MIGA1: variants seen among roughly 807,000 people sequenced by gnomAD.
MIGA1 encodes mitoguardin 1, also known as family with sequence similarity 73, member A.
Under a neutral mutation model 82.0 loss-of-function variants are expected in MIGA1, and 58 were observed. The ratio of observed to expected loss-of-function variants is 0.71; its 90% confidence interval spans 0.57 to 0.88. The LOEUF (loss-of-function observed/expected upper bound fraction) is 0.88, where lower values mean the gene tolerates loss of function less well. Among genes scored for constraint, MIGA1 ranks in the 40% least tolerant of loss-of-function variants. The pLI is 0.00. For missense variants in MIGA1, 751 were observed against 749.1 expected, an observed-to-expected ratio of 1.00 and a Z score of -0.03; for synonymous variants, 249 against 253.6, an observed-to-expected ratio of 0.98 and a Z score of 0.17.
intron 2 of MIGA1, among the ~76,000 whole-genome samples, chr1:77,800,599 C>G (rs1682838182): frequency 6.6e-6 from 1 of 152,190 alleles, no homozygotes; most frequent in African/African-American, 2.4e-5. Context: ...AAGTTAATCG[C>G]TTCTTGCTCT....
At chr1:77,786,301 G>A (rs1036892612) in intron 2 of MIGA1, among the ~76,000 whole-genome samples, 11 of 152,224 alleles carry the variant, frequency 7.2e-5, no homozygotes, top group Non-Finnish European at 1.3e-4. Context: ...GCTGGTGATG[G>A]GAGGGGCTGC....
chr1:77,843,463 A>T lies in MIGA1; in HGVS notation c.996+56A>T, dbSNP rs1684703416. 9 of 1,327,726 alleles carry T rather than the reference A, an allele frequency of 6.8e-6. No homozygotes were observed. In the East Asian group the frequency reaches 2.1e-4, roughly 31 times the overall value. 82.2% of individuals were successfully genotyped at this position (1,327,726 alleles called of 1,614,324 possible). A position where few individuals can be genotyped will look rare whatever the true frequency, so the allele number is the denominator to read the frequency against. On this transcript the variant is annotated intron_variant, in intron 8 of 15. Transcript: ENST00000370791. ...CTGTTTCTTTTTTGGTGGAAACAACAGTCTTGTCATTATACTGTAATTCAG... is the reference window on the plus strand; with the variant it reads ...CTGTTTCTTTTTTGGTGGAAACAACTGTCTTGTCATTATACTGTAATTCAG...
At chr1:77,807,321 C>T (rs919512972) in intron 5 of MIGA1, among the ~76,000 whole-genome samples, 2 of 152,076 alleles carry the variant, frequency 1.3e-5, no homozygotes, top group South Asian at 2.1e-4. Flanking sequence ...ACCACCATGC[C>T]CAGCTAATTT....
At chr1:77,786,657 G>A (rs1169220227) in intron 2 of MIGA1, among the ~76,000 whole-genome samples, 2 of 152,194 alleles carry the variant, frequency 1.3e-5, no homozygotes, top group Non-Finnish European at 2.9e-5. Flanking sequence ...AATATAGTAA[G>A]AGTCACCTTT....
chr1:77,858,945 A>G lies in MIGA1; in HGVS notation c.1004A>G (p.Glu335Gly). 1 of 1,606,570 alleles carries G rather than the reference A, an allele frequency of 6.2e-7. No homozygotes were observed. The highest frequency in any genetic ancestry group is 1.7e-5 in the Admixed American group (1 of 59,978). ...AACCCACCGTGCTCTTAGCTTGCAG[A>G]ACACAGAGAAGTACGGCATACCTAC... is the stretch of plus-strand genomic sequence containing the variant. The change falls in exon 9 of 16, where the codon GAA becomes GGA. Residue 335 changes from glutamate to glycine, a missense_variant. Physicochemically the swap from Glu to Gly is moderately conservative, Grantham distance 98 (BLOSUM62 -2). This residue lies in a region of MIGA1 where 482 missense variants were observed against 439.4 expected (regional missense o/e 1.10). Transcript: ENST00000370791.
chr1:77,850,228 C>A (rs1570994820), intron 8 of MIGA1, among the ~76,000 whole-genome samples: 1 of 152,090 alleles, frequency 6.6e-6, no homozygotes, highest in East Asian at 1.9e-4. Flanking sequence ...GAGGGAGTGA[C>A]CCAAGAGAGG....
chr1:77,820,844 G>A (rs1683778368), intron 7 of MIGA1, among the ~76,000 whole-genome samples: 1 of 152,064 alleles, frequency 6.6e-6, no homozygotes, highest in Non-Finnish European at 1.5e-5. Context: ...TATAAATTCT[G>A]GACATTAGGC....
rs566827200 is a variant in MIGA1 at position 77,875,235 on chromosome 1, A to G, written c.*171A>G. 32 of 593,102 alleles carry G rather than the reference A, an allele frequency of 5.4e-5. 2 individuals are homozygous for G. In the South Asian group the frequency reaches 7.0e-4, roughly 13 times the overall value. The allele number at this position is 593,102 out of a possible 1,614,324, so 36.7% of individuals were successfully genotyped here. A position where few individuals can be genotyped will look rare whatever the true frequency, so the allele number is the denominator to read the frequency against. Reference sequence around the variant, plus strand: ...ACTGTATTTATACAGAAGTTCTGTCATTGAATTCCTGTGTAGTGTAGTCAT... The same window carrying G: ...ACTGTATTTATACAGAAGTTCTGTCGTTGAATTCCTGTGTAGTGTAGTCAT... On this transcript the variant is annotated 3_prime_UTR_variant, in exon 16 of 16. Coordinates refer to ENST00000370791, the MANE Select transcript of MIGA1 (RefSeq NM_198549.4).
chr1:77,830,908 A>C (rs1000907212), intron 7 of MIGA1, among the ~76,000 whole-genome samples: 1 of 152,202 alleles, frequency 6.6e-6, no homozygotes, highest in South Asian at 2.1e-4. Flanking sequence ...AATAAGGGCT[A>C]ATGTGCCTAT....
rs972969113 is a variant in MIGA1 at position 77,805,036 on chromosome 1, C to A, written c.510+1630C>A. Among the ~76,000 whole-genome samples, 6 of 150,318 alleles carry A rather than the reference C, an allele frequency of 4.0e-5. No homozygotes were observed. The East Asian group carries it at 1.2e-3, about 29-fold the overall frequency. On this transcript the variant is annotated intron_variant, in intron 4 of 15. Transcript: ENST00000370791. Reference sequence around the variant, plus strand: ...TTGAGACGGAGTCTCACTCTGTCGCCCAGGCTGGAGTGCAGTGGCACAATC... The same window carrying A: ...TTGAGACGGAGTCTCACTCTGTCGCACAGGCTGGAGTGCAGTGGCACAATC...
chr1:77,814,979 T>C (rs1427992139), intron 6 of MIGA1, 129 bp from the exon 7 acceptor site: 5 of 604,104 alleles, frequency 8.3e-6, no homozygotes, highest in Non-Finnish European at 1.3e-5. Context: ...TGCTGTACTC[T>C]TTCCACCATC....
intron 14 of MIGA1, among the ~76,000 whole-genome samples, chr1:77,867,989 C>CA (rs1685740161): frequency 6.6e-6 from 1 of 152,164 alleles, no homozygotes; most frequent in Admixed American, 6.5e-5. Flanking sequence ...GTTTGATTCT[C>CA]ACACTAGCTA....
intron 8 of MIGA1, among the ~76,000 whole-genome samples, chr1:77,844,393 A>G (rs533797196): frequency 2.0e-5 from 3 of 152,032 alleles, no homozygotes; most frequent in African/African-American, 4.8e-5. Context: ...TTTTGTAAAA[A>G]GGAAACAAAC....
At position 77,803,320 on chromosome 1, in the gene MIGA1, A is replaced by G. The variant is rs747162053; in HGVS notation, c.424A>G (p.Thr142Ala). 6.4e-6 allele frequency: 10 copies of G among 1,562,076 alleles called. No homozygotes were observed. In the Admixed American group the frequency reaches 1.5e-4, roughly 23 times the overall value. ...GAATTTGACATTATCTTTAAGTTCT[A>G]CCAAAGACAAAGGATCTCAAGTTTG... The change falls in exon 4 of 16, where the codon ACC (threonine) becomes GCC (alanine). Residue 142 changes from threonine (T) to alanine (A), a missense_variant. By Grantham distance (58) the Thr-to-Ala change is moderately conservative. This residue lies in a region of MIGA1 where 482 missense variants were observed against 439.4 expected (regional missense o/e 1.10). Coordinates refer to ENST00000370791, the MANE Select transcript of MIGA1 (RefSeq NM_198549.4).
intron 7 of MIGA1, among the ~76,000 whole-genome samples, chr1:77,824,045 A>G (rs1158993450): frequency 6.6e-6 from 1 of 152,218 alleles, no homozygotes; most frequent in Non-Finnish European, 1.5e-5. Flanking sequence ...ATTGCCATCC[A>G]AGAAGCCATT....
chr1:77,847,356 G>GA (rs1213210825), intron 8 of MIGA1: 12 of 995,390 alleles, frequency 1.2e-5, no homozygotes, highest in Admixed American at 1.7e-5. Flanking sequence ...TGAAATGCAG[G>GA]AAAAAAAGGA....
chr1:77,868,315 C>A, intron 14 of MIGA1: 1 of 152,376 alleles, frequency 6.6e-6, no homozygotes. Context: ...CAACCTCTGC[C>A]TCCCAGGTTC....
intron 7 of MIGA1, among the ~76,000 whole-genome samples, chr1:77,817,204 T>C (rs1683604372): frequency 6.6e-6 from 1 of 152,244 alleles, no homozygotes; most frequent in African/African-American, 2.4e-5. Flanking sequence ...AAAGGATTCC[T>C]TGGGTACAGT....
chr1:77,863,145 A>G (rs761066881), intron 12 of MIGA1, among the ~76,000 whole-genome samples: 62 of 152,156 alleles, frequency 4.1e-4, no homozygotes, highest in Non-Finnish European at 7.9e-4. Context: ...ATGCTCACCC[A>G]TTTTATCATA....
Sources: gnomAD v4.1 joint callset for allele counts (sites outside exome capture counted in the v4.1 genomes callset) on GRCh38, gnomAD v4.1.1 for gene constraint, gnomAD v4.1.1 regional missense constraint, MANE v1.5 for transcripts, NCBI Gene and HGNC (gene_info 2026-07-23, HGNC 2026-07-21) for gene names.